The following FREM2 variants were observed in gnomAD, a reference collection of about 807,000 sequenced individuals.
The protein encoded by FREM2 is FRAS1-related extracellular matrix protein 2.
Under a neutral mutation model 219.9 loss-of-function variants are expected in FREM2, and 119 were observed. The observed-to-expected ratio is 0.54, with a 90% CI of 0.47 to 0.63. The LOEUF (loss-of-function observed/expected upper bound fraction) is 0.63. FREM2 is among the 30% of genes least tolerant of loss of function. FREM2 has a pLI of 0.00. For synonymous variants in FREM2, 1,562 were observed against 1,522.8 expected (o/e 1.03, Z -0.60); for missense variants, 4,030 against 3,993.6 (o/e 1.01, Z -0.25).
At chr13:38,748,137 G>A (rs544764726) in intron 2 of FREM2, among the ~76,000 whole-genome samples, 1 of 152,150 alleles carries the variant, frequency 6.6e-6, no homozygotes, top group East Asian at 1.9e-4. Context: ...AAAAAGGGCT[G>A]GGGCATTATA....
intron 1 of FREM2, 80 bp from the exon 2 acceptor site, chr13:38,697,618 A>T: frequency 2.4e-6 from 2 of 820,008 alleles, no homozygotes; most frequent in East Asian, 5.0e-5. Flanking sequence ...TAGGAAAACT[A>T]ATAGCCAATA....
At chr13:38,719,823 T>C (rs1871152433) in intron 2 of FREM2, among the ~76,000 whole-genome samples, 1 of 152,194 alleles carries the variant, frequency 6.6e-6, no homozygotes, top group Admixed American at 6.5e-5. Flanking sequence ...TCTAGGTTTG[T>C]CTACCTGTTG....
chr13:38,851,340 C>T (rs1877363071), intron 10 of FREM2, among the ~76,000 whole-genome samples: 1 of 152,192 alleles, frequency 6.6e-6, no homozygotes, highest in Non-Finnish European at 1.5e-5. Flanking sequence ...AATTCCCAAA[C>T]ATCCATACTG....
intron 6 of FREM2, among the ~76,000 whole-genome samples, chr13:38,826,159 A>G (rs1876276351): frequency 6.6e-6 from 1 of 152,130 alleles, no homozygotes; most frequent in Non-Finnish European, 1.5e-5. Flanking sequence ...ATGTTGAATG[A>G]GAGAAATAGC....
At chr13:38,724,141 TG>T (rs1871414431) in intron 2 of FREM2, among the ~76,000 whole-genome samples, 1 of 152,206 alleles carries the variant, frequency 6.6e-6, no homozygotes, top group African/African-American at 2.4e-5. Flanking sequence ...CTATCCTATG[TG>T]TTTTCTTGCA....
At chr13:38,710,018 C>T (rs1025584993) in intron 2 of FREM2, among the ~76,000 whole-genome samples, 1 of 150,586 alleles carries the variant, frequency 6.6e-6, no homozygotes, top group Admixed American at 6.7e-5. Flanking sequence ...CACACACACA[C>T]ACACACACAC....
At chr13:38,722,955 G>T (rs529563409) in intron 2 of FREM2, among the ~76,000 whole-genome samples, 1 of 152,174 alleles carries the variant, frequency 6.6e-6, no homozygotes, top group Non-Finnish European at 1.5e-5. Flanking sequence ...TGGCAGCCAG[G>T]TGCAGTGGCT....
intron 3 of FREM2, among the ~76,000 whole-genome samples, chr13:38,765,410 C>T (rs1168877167): frequency 6.6e-6 from 1 of 152,138 alleles, no homozygotes; most frequent in Non-Finnish European, 1.5e-5. Context: ...AAAGAGATTT[C>T]ATTGAGTGAG....
At chr13:38,703,227 TATAA>T (rs1303734510) in intron 2 of FREM2, among the ~76,000 whole-genome samples, 2 of 151,938 alleles carry the variant, frequency 1.3e-5, no homozygotes, top group African/African-American at 2.4e-5. Flanking sequence ...GCTGGAAAAA[TATAA>T]ATAGAGTAAG....
At chr13:38,867,698 A>G (rs1414095856) in intron 16 of FREM2, among the ~76,000 whole-genome samples, 2 of 152,254 alleles carry the variant, frequency 1.3e-5, no homozygotes. Context: ...TAAGTCCCCA[A>G]GTCTAAACAC....
At chr13:38,722,360 C>T in intron 2 of FREM2, among the ~76,000 whole-genome samples, 1 of 143,228 alleles carries the variant, frequency 7.0e-6, no homozygotes, top group Non-Finnish European at 1.5e-5. Context: ...TCGTCCAGCC[C>T]AATATATATA....
At position 38,857,949 on chromosome 13, in the gene FREM2, T is replaced by A; in HGVS notation, c.7131T>A (p.Ile2377=). 2 of 1,613,806 alleles carry A rather than the reference T, an allele frequency of 1.2e-6. No homozygotes were observed. Residue 2377 remains isoleucine, a synonymous_variant, in exon 13 of 24, where the codon ATT becomes ATA. Transcript: ENST00000280481. ...ADVTFPSVPQ[I]VSLLMYDDTS... ...TCACTTTTCCTTCTGTCCCTCAAAT[T>A]GTATCCCTGTTGATGTATGACGACA...
At chr13:38,760,881 G>A (rs960673155) in intron 2 of FREM2, among the ~76,000 whole-genome samples, 2 of 152,048 alleles carry the variant, frequency 1.3e-5, no homozygotes, top group Admixed American at 6.5e-5. Flanking sequence ...GGAAAGTACC[G>A]TAGAGAAAAA....
intron 4 of FREM2, among the ~76,000 whole-genome samples, chr13:38,775,891 C>T (rs1449036782): frequency 6.6e-6 from 1 of 152,100 alleles, no homozygotes; most frequent in African/African-American, 2.4e-5. Context: ...AGTGCTGGGA[C>T]TATAGGTGTG....
chr13:38,872,815 TG>T lies in FREM2; in HGVS notation c.8062del (p.Val2688Ter). The T allele has an allele frequency of 1.9e-6, 3 of 1,613,960 alleles. No individual in the cohort carries two copies. The highest frequency in any genetic ancestry group is 2.2e-5 in the East Asian group (1 of 44,874). On this transcript the variant is annotated frameshift_variant, in exon 17 of 24. Coordinates refer to ENST00000280481, the MANE Select transcript of FREM2 (RefSeq NM_207361.6). LOFTEE classifies it high-confidence loss of function. ...GTTTCCTACGTGTTCCATTCCCCCG[TG>T]GGGGTAGGAGGCTGGCAGCATTTTG... ...LYVSYVFHSP[V>X]GVGGWQHFDL... is the part of the protein sequence containing the mutation.
At chr13:38,744,200 ATCCTTT>A (rs1872366265) in intron 2 of FREM2, among the ~76,000 whole-genome samples, 1 of 137,726 alleles carries the variant, frequency 7.3e-6, no homozygotes, top group African/African-American at 2.7e-5. Context: ...TTTGAGGTAA[ATCCTTT>A]TTTTTTTTTT....
At chr13:38,846,208 TG>T (rs892978330) in intron 6 of FREM2, among the ~76,000 whole-genome samples, 1 of 151,232 alleles carries the variant, frequency 6.6e-6, no homozygotes, top group African/African-American at 2.4e-5. Flanking sequence ...ATGAGTGGCT[TG>T]GCCAAAGTAA....
At chr13:38,871,755 T>C (rs1432675985) in intron 16 of FREM2, among the ~76,000 whole-genome samples, 1 of 152,076 alleles carries the variant, frequency 6.6e-6, no homozygotes, top group Non-Finnish European at 1.5e-5. Flanking sequence ...AGAGTGAAAA[T>C]ATTAAATAGT....
chr13:38,716,943 A>G (rs1871028099), intron 2 of FREM2, among the ~76,000 whole-genome samples: 1 of 152,214 alleles, frequency 6.6e-6, no homozygotes, highest in Non-Finnish European at 1.5e-5. Context: ...GCATCCAGGT[A>G]TGGAAAGCTT....
Sources: allele counts gnomAD v4.1 joint callset (sites outside exome capture counted in the v4.1 genomes callset), GRCh38; gene constraint gnomAD v4.1.1; transcripts MANE v1.5; gene names NCBI Gene and HGNC (gene_info 2026-07-23, HGNC 2026-07-21).